Variants in KALRN observed in about 807,000 individuals in gnomAD.
KALRN encodes the protein kalirin RhoGEF kinase, also known as kalirin.
In KALRN, 70 loss-of-function variants were observed where a neutral mutation model predicts 353.7. The observed-to-expected ratio is 0.20, with a 90% CI of 0.16 to 0.24. The LOEUF is 0.24. Among genes scored for constraint, KALRN ranks in the 10% least tolerant of loss-of-function variants. The pLI, the probability that KALRN is intolerant of heterozygous loss-of-function variation, is 1.00. For synonymous variants in KALRN, 1,391 were observed against 1,434.8 expected (o/e 0.97, Z 0.69); for missense variants, 2,791 against 3,756.7 (o/e 0.74, Z 6.72).
intron 1 of KALRN, among the ~76,000 whole-genome samples, chr3:124,144,493 C>T (rs1189635430): frequency 6.6e-6 from 1 of 152,060 alleles, no homozygotes; most frequent in Non-Finnish European, 1.5e-5. Flanking sequence ...TCATCCTCGT[C>T]CTCCTCCTCT....
chr3:124,060,173 G>A (rs1287971825), intron 1 of KALRN, among the ~76,000 whole-genome samples: 1 of 152,072 alleles, frequency 6.6e-6, no homozygotes, highest in Non-Finnish European at 1.5e-5. Context: ...TCTGTATCAG[G>A]GAGTCCTTTC....
At chr3:124,163,895 A>G in intron 1 of KALRN, 2 of 985,434 alleles carry the variant, frequency 2.0e-6, no homozygotes, top group Non-Finnish European at 2.4e-6. Context: ...CTGTTGACTC[A>G]GTTGCAACAT....
At chr3:124,131,011 T>A (rs2065213478) in intron 1 of KALRN, among the ~76,000 whole-genome samples, 1 of 152,184 alleles carries the variant, frequency 6.6e-6, no homozygotes, top group African/African-American at 2.4e-5. Flanking sequence ...TTCTAAATCT[T>A]GGTCTGGTGA....
intron 1 of KALRN, among the ~76,000 whole-genome samples, chr3:124,156,642 C>T (rs904209616): frequency 3.3e-5 from 5 of 152,196 alleles, no homozygotes; most frequent in African/African-American, 7.2e-5. Context: ...TGAGATGCTT[C>T]GCTGCTGCCC....
At chr3:124,716,750 G>A (rs2063152452) in intron 58 of KALRN, among the ~76,000 whole-genome samples, 1 of 152,204 alleles carries the variant, frequency 6.6e-6, no homozygotes, top group Non-Finnish European at 1.5e-5. Context: ...AGGCTGCAGT[G>A]AGCTATGATT....
At chr3:124,218,156 T>C (rs1396648550) in intron 1 of KALRN, among the ~76,000 whole-genome samples, 5 of 152,122 alleles carry the variant, frequency 3.3e-5, no homozygotes, top group Non-Finnish European at 5.9e-5. Context: ...ATCCAAGAGG[T>C]GCTGGACAAT....
Position 124,264,567 on chromosome 3 carries a change from G to A in KALRN, c.333G>A (p.Lys111=). Residue 111 remains lysine (K), a synonymous_variant, in exon 4 of 60, where the codon AAG becomes AAA. Coordinates refer to ENST00000682506, the MANE Select transcript of KALRN (RefSeq NM_001388419.1). Reference sequence around the variant, plus strand: ...GGGGCTCCAAGTGGGACCTCATCAAGCCCCTCCTCAAAACGCTGCAGGAAG... The same window carrying A: ...GGGGCTCCAAGTGGGACCTCATCAAACCCCTCCTCAAAACGCTGCAGGAAG... The part of the protein sequence containing the change: ...DMRGSKWDLI[K]PLLKTLQEAF... 1 of 1,614,110 alleles carries A rather than the reference G, an allele frequency of 6.2e-7. No individual in the cohort carries two copies. Among genetic ancestry groups the A allele is most frequent in the Admixed American group, 1.7e-5 (1 of 60,030 alleles).
At chr3:124,314,064 G>A (rs897488349) in intron 6 of KALRN, among the ~76,000 whole-genome samples, 10 of 151,904 alleles carry the variant, frequency 6.6e-5, no homozygotes, top group Non-Finnish European at 1.2e-4. Flanking sequence ...TGTTTATTGC[G>A]GCACTATTCA....
chr3:124,149,342 A>G (rs1253886884), intron 1 of KALRN, among the ~76,000 whole-genome samples: 1 of 152,196 alleles, frequency 6.6e-6, no homozygotes, highest in Admixed American at 6.5e-5. Context: ...AACCATTGCT[A>G]CAAGTAGGAG....
At chr3:124,625,618 C>T (rs550482249) in intron 34 of KALRN, among the ~76,000 whole-genome samples, 1 of 152,086 alleles carries the variant, frequency 6.6e-6, no homozygotes, top group African/African-American at 2.4e-5. Flanking sequence ...AAAACTGATT[C>T]TTTACCACAG....
rs1184591498 is a variant in KALRN, at chr3:124,635,172, C to G, written c.5568+1219C>G. Reference sequence around the variant, plus strand: ...ATTGGGAAGAGACATAGTAGGAAGGCTGGTGTTATACCATCCTGGGTTCCT... The same window carrying G: ...ATTGGGAAGAGACATAGTAGGAAGGGTGGTGTTATACCATCCTGGGTTCCT... On this transcript the variant is annotated intron_variant, in intron 36 of 59. Transcript: ENST00000682506. Among the ~76,000 whole-genome samples the G allele has an allele frequency of 2.0e-5, 3 of 152,136 alleles. No homozygotes were observed. In the East Asian group the frequency reaches 5.8e-4, roughly 29 times the overall value.
intron 45 of KALRN, among the ~76,000 whole-genome samples, chr3:124,662,229 T>C (rs1478109240): frequency 6.9e-6 from 1 of 144,676 alleles, no homozygotes; most frequent in Non-Finnish European, 1.5e-5. Context: ...TGAGACAGGT[T>C]CTTGCCCTGT....
intron 34 of KALRN, among the ~76,000 whole-genome samples, chr3:124,623,425 C>CAAAA (rs200947454): frequency 5.4e-5 from 8 of 147,516 alleles, no homozygotes; most frequent in South Asian, 4.4e-4. Context: ...CACACACACA[C>CAAAA]ACAAAAGGGA....
intron 1 of KALRN, among the ~76,000 whole-genome samples, chr3:124,193,540 T>C (rs2075138821): frequency 6.6e-6 from 1 of 151,936 alleles, no homozygotes. Context: ...ATGAACCACT[T>C]AACACTTCCC....
At chr3:124,514,930 T>A (rs1468082742) in intron 33 of KALRN, among the ~76,000 whole-genome samples, 1 of 152,160 alleles carries the variant, frequency 6.6e-6, no homozygotes, top group Non-Finnish European at 1.5e-5. Context: ...ATGGCATGAG[T>A]CAGGAATTTA....
chr3:124,679,173 CA>C (rs1454001618), intron 50 of KALRN, among the ~76,000 whole-genome samples: 2 of 152,230 alleles, frequency 1.3e-5, no homozygotes, highest in Non-Finnish European at 2.9e-5. Context: ...AGTCCAGCCT[CA>C]CAGAAGACAA....
At chr3:124,139,713 G>A (rs2066390874) in intron 1 of KALRN, among the ~76,000 whole-genome samples, 1 of 152,186 alleles carries the variant, frequency 6.6e-6, no homozygotes, top group Non-Finnish European at 1.5e-5. Context: ...CTCAAGGATT[G>A]GAGAGTGAGA....
intron 1 of KALRN, chr3:124,096,204 G>C (rs2061436198): frequency 6.6e-6 from 1 of 152,180 alleles, no homozygotes; most frequent in Non-Finnish European, 1.5e-5. Context: ...TAACCTCTCT[G>C]TATCTTCTTT....
chr3:124,599,124 C>G (rs887813783), intron 34 of KALRN, among the ~76,000 whole-genome samples: 6 of 152,216 alleles, frequency 3.9e-5, no homozygotes, highest in African/African-American at 1.4e-4. Context: ...TACCCCTCTT[C>G]TGGCCCGCAA....
Sources: allele counts gnomAD v4.1 joint callset (sites outside exome capture counted in the v4.1 genomes callset), GRCh38; gene constraint gnomAD v4.1.1; transcripts MANE v1.5; gene names NCBI Gene and HGNC (gene_info 2026-07-23, HGNC 2026-07-21).